PRKAB1: variants seen among roughly 807,000 people sequenced by gnomAD.
PRKAB1 encodes the protein protein kinase AMP-activated non-catalytic subunit beta 1, also known as 5'-AMP-activated protein kinase subunit beta-1.
In PRKAB1, 18 loss-of-function variants were observed where a neutral mutation model predicts 32.0. The observed-to-expected ratio is 0.56, with a 90% confidence interval of 0.39 to 0.83. The LOEUF is 0.83. PRKAB1 is among the 40% of genes least tolerant of loss of function. PRKAB1 has a pLI of 0.00. For synonymous variants in PRKAB1, 141 were observed against 141.4 expected, an observed-to-expected ratio of 1.00 and a Z score of 0.02; for missense variants, 263 against 352.6, an observed-to-expected ratio of 0.75 and a Z score of 2.03.
chr12:119,672,569 G>T, intron 2 of PRKAB1, 105 bp downstream of exon 2: 1 of 1,257,226 alleles, frequency 8.0e-7, no homozygotes, highest in South Asian at 1.8e-5. Context: ...TAAAATGGAT[G>T]CCTAGTGGAA....
chr12:119,676,143 G>A (rs1032835902), intron 4 of PRKAB1, among the ~76,000 whole-genome samples: 6 of 152,084 alleles, frequency 3.9e-5, no homozygotes, highest in African/African-American at 1.4e-4. Flanking sequence ...CCCATAACTT[G>A]GACTTAGCTA....
In PRKAB1 at chr12:119,674,274, A is replaced by G. The variant is rs979444859; in HGVS notation, c.418-66A>G. The G allele has an allele frequency of 2.2e-6, 3 of 1,336,630 alleles. No homozygotes were observed. The highest frequency in any genetic ancestry group is 2.9e-5 in the African/African-American group (2 of 68,868). 82.8% of individuals were successfully genotyped at this position (1,336,630 alleles called of 1,614,324 possible). ...TGAGGCCTTCCAGCCAGGAATTCCAAGTCCTCTGAAGAATAACTCCGCAGA... is the reference window on the plus strand; with the variant it reads ...TGAGGCCTTCCAGCCAGGAATTCCAGGTCCTCTGAAGAATAACTCCGCAGA... On this transcript the variant is annotated intron_variant, in intron 3 of 6. Coordinates refer to ENST00000229328, the MANE Select transcript of PRKAB1 (RefSeq NM_006253.5). The surrounding 1 kb of genome is among the most constrained non-coding windows in gnomAD (Gnocchi z 4.3).
At chr12:119,667,991 A>G (rs1202085867), upstream of PRKAB1, 3 of 482,940 alleles carry the variant, frequency 6.2e-6, no homozygotes, top group Non-Finnish European at 1.1e-5. Flanking sequence ...GCGGTTGGGA[A>G]AGTGTCGGTT....
In PRKAB1 at chr12:119,668,176, C is replaced by G. The variant is rs1291565411; in HGVS notation, c.-69C>G. 1 of 1,442,894 alleles carries G rather than the reference C, an allele frequency of 6.9e-7. No individual in the cohort carries two copies. Among genetic ancestry groups the G allele is most frequent in the South Asian group, 1.5e-5 (1 of 66,496 alleles). The allele number at this position is 1,442,894 out of a possible 1,614,324, so 89.4% of individuals were successfully genotyped here. ...CTTGGGACCCGCGGTTCCGGGAGTC[C>G]CTTGCTCAGGGTCCCTTTCCTGCAG... On this transcript the variant is annotated 5_prime_UTR_variant, in exon 1 of 7. Transcript: ENST00000229328.
At chr12:119,670,357 C>T (rs181377220) in intron 1 of PRKAB1, among the ~76,000 whole-genome samples, 17 of 152,278 alleles carry the variant, frequency 1.1e-4, no homozygotes, top group African/African-American at 4.1e-4. Context: ...TCATGTTGAG[C>T]GAGGTGATCA....
chr12:119,670,119 T>A (rs1183978787), intron 1 of PRKAB1, among the ~76,000 whole-genome samples: 1 of 152,222 alleles, frequency 6.6e-6, no homozygotes, highest in East Asian at 1.9e-4. Flanking sequence ...GTTAACCACC[T>A]TCATATGGTG....
At position 119,680,290 on chromosome 12, in the gene PRKAB1, A is replaced by G. The variant is rs1313399814; in HGVS notation, c.778A>G (p.Lys260Glu). 2.5e-6 allele frequency: 4 copies of G among 1,614,024 alleles called. No homozygotes were observed. Among genetic ancestry groups the G allele is most frequent in the South Asian group, 2.2e-5 (2 of 91,092 alleles). Reference sequence around the variant, plus strand: ...CAGCGCAACCCACCGGTACAAGAAGAAGTACGTCACCACCTTGTTATACAA... The same window carrying G: ...CAGCGCAACCCACCGGTACAAGAAGGAGTACGTCACCACCTTGTTATACAA... ...VLSATHRYKK[K>E]YVTTLLYKPI Residue 260 changes from lysine to glutamate, a missense_variant, in exon 7 of 7, where the codon AAG (lysine) becomes GAG (glutamate). Coordinates refer to ENST00000229328, the MANE Select transcript of PRKAB1 (RefSeq NM_006253.5).
chr12:119,674,489 A>C lies in PRKAB1; in HGVS notation c.532+35A>C. 6.7e-7 allele frequency: 1 copy of C among 1,485,114 alleles called. No homozygotes were observed. Among genetic ancestry groups the C allele is most frequent in the South Asian group, 1.1e-5 (1 of 87,798 alleles). The allele number at this position is 1,485,114 out of a possible 1,614,324, so 92.0% of individuals were successfully genotyped here. ...CAGTTATTTTATACCACATGCGTGCAGGTGGGGGCTGTACAGTCTAGACAT... is the reference window on the plus strand; with the variant it reads ...CAGTTATTTTATACCACATGCGTGCCGGTGGGGGCTGTACAGTCTAGACAT... On this transcript the variant is annotated intron_variant, in intron 4 of 6. Coordinates refer to ENST00000229328, the MANE Select transcript of PRKAB1 (RefSeq NM_006253.5). The surrounding 1 kb of genome is among the most constrained non-coding windows in gnomAD (Gnocchi z 4.3).
chr12:119,675,234 A>G (rs1171647963), intron 4 of PRKAB1, among the ~76,000 whole-genome samples: 1 of 152,208 alleles, frequency 6.6e-6, no homozygotes, highest in African/African-American at 2.4e-5. Flanking sequence ...GCCCTAAGAA[A>G]ACAGATTCCG....
Position 119,668,173 on chromosome 12 carries a change from G to C in PRKAB1, c.-72G>C, listed in dbSNP as rs1204182534. The C allele has an allele frequency of 7.1e-7, 1 of 1,418,370 alleles. No homozygotes were observed. Among genetic ancestry groups the C allele is most frequent in the Non-Finnish European group, 9.2e-7 (1 of 1,087,710 alleles). The allele number at this position is 1,418,370 out of a possible 1,614,324, so 87.9% of individuals were successfully genotyped here. A position where few individuals can be genotyped will look rare whatever the true frequency, so the allele number is the denominator to read the frequency against. On this transcript the variant is annotated 5_prime_UTR_variant, in exon 1 of 7. Transcript: ENST00000229328. The stretch of plus-strand genomic sequence containing the variant: ...CTCCTTGGGACCCGCGGTTCCGGGA[G>C]TCCCTTGCTCAGGGTCCCTTTCCTG...
In PRKAB1 at chr12:119,679,830, T is replaced by C. The variant is rs1413506018; in HGVS notation, c.667-103T>C. 10 of 1,286,182 alleles carry C rather than the reference T, an allele frequency of 7.8e-6. No individual in the cohort carries two copies. Among genetic ancestry groups the C allele is most frequent in the Non-Finnish European group, 1.0e-5 (9 of 884,788 alleles). 79.7% of individuals were successfully genotyped at this position (1,286,182 alleles called of 1,614,324 possible). On this transcript the variant is annotated intron_variant, in intron 5 of 6. Transcript: ENST00000229328. This position sits in a 1 kb window ranked among gnomAD's most constrained non-coding sequence, Gnocchi z 4.1. ...CCTGATTTGGGAAGAGAGGTCGGCC[T>C]GAGCGCTGCCTCCTGTCCTTTGATA...
chr12:119,672,494 G>A (rs1955395839), intron 2 of PRKAB1, 30 bp downstream of exon 2: 1 of 1,467,668 alleles, frequency 6.8e-7, no homozygotes, highest in African/African-American at 1.4e-5. Flanking sequence ...TCACATATTT[G>A]TCTTAACATA....
Position 119,679,844 on chromosome 12 carries a change from TG to T in PRKAB1, c.667-88del. On this transcript the variant is annotated intron_variant, in intron 5 of 6. Coordinates refer to ENST00000229328, the MANE Select transcript of PRKAB1 (RefSeq NM_006253.5). This position sits in a 1 kb window ranked among gnomAD's most constrained non-coding sequence, Gnocchi z 4.1. ...AGAGGTCGGCCTGAGCGCTGCCTCC[TG>T]TCCTTTGATATCTGGCACTGGGAAG... is the stretch of plus-strand genomic sequence containing the variant. The T allele has an allele frequency of 7.1e-7, 1 of 1,410,334 alleles. No individual in the cohort carries two copies. Among genetic ancestry groups the T allele is most frequent in the East Asian group, 2.3e-5 (1 of 43,762 alleles). The allele number at this position is 1,410,334 out of a possible 1,614,324, so 87.4% of individuals were successfully genotyped here.
Position 119,680,142 on chromosome 12 carries a change from G to T in PRKAB1, c.736-106G>T, listed in dbSNP as rs928879796. On this transcript the variant is annotated intron_variant, in intron 6 of 6. Transcript: ENST00000229328. ...CAGGCCATCAGGCTCAGGTTCTGAA[G>T]CTGGCCCGGGAATTTGTGGTTTTAT... 1.5e-5 allele frequency: 23 copies of T among 1,488,658 alleles called. No homozygotes were observed. In the African/African-American group the frequency reaches 3.0e-4, roughly 20 times the overall value. The allele number at this position is 1,488,658 out of a possible 1,614,324, so 92.2% of individuals were successfully genotyped here.
At chr12:119,669,426 C>T in intron 1 of PRKAB1, 1 of 150,758 alleles carries the variant, frequency 6.6e-6, no homozygotes, top group African/African-American at 2.4e-5. Context: ...CGCCACCACG[C>T]CCGGCTAATT....
intron 4 of PRKAB1, among the ~76,000 whole-genome samples, chr12:119,675,794 C>G (rs1955420070): frequency 6.6e-6 from 1 of 152,190 alleles, no homozygotes; most frequent in Non-Finnish European, 1.5e-5. Flanking sequence ...TGGGGCATAG[C>G]AGATTTTCCC....
Position 119,672,474 on chromosome 12 carries a change from TG to T in PRKAB1, c.323+14del. Reference sequence around the variant, plus strand: ...TTCCCCTCACCAGAAGGTAATTGCCTGGGGAGTGTTCACATATTTGTCTTAA... The same window carrying T: ...TTCCCCTCACCAGAAGGTAATTGCCTGGGAGTGTTCACATATTTGTCTTAA... On this transcript the variant is annotated intron_variant, in intron 2 of 6. Transcript: ENST00000229328. 2 of 1,557,490 alleles carry T rather than the reference TG, an allele frequency of 1.3e-6. No homozygotes were observed. Among genetic ancestry groups the T allele is most frequent in the South Asian group, 1.2e-5 (1 of 83,542 alleles).
Position 119,680,273 on chromosome 12 carries a change from C to T in PRKAB1, c.761C>T (p.Thr254Ile). ...IKDGVMVLSA[T>I]HRYKKKYVTT... ...GATGGAGTGATGGTGCTCAGCGCAA[C>T]CCACCGGTACAAGAAGAAGTACGTC... Residue 254 changes from threonine to isoleucine, a missense_variant, in exon 7 of 7, where the codon ACC becomes ATC. By Grantham distance (89) the Thr-to-Ile change is moderately conservative. Coordinates refer to ENST00000229328, the MANE Select transcript of PRKAB1 (RefSeq NM_006253.5). The T allele has an allele frequency of 6.2e-7, 1 of 1,614,082 alleles. No homozygotes were observed. Among genetic ancestry groups the T allele is most frequent in the Non-Finnish European group, 8.5e-7 (1 of 1,180,000 alleles).
Position 119,680,395 on chromosome 12 carries a change from A to G in PRKAB1, c.*70A>G. The G allele has an allele frequency of 7.0e-7, 1 of 1,420,688 alleles. No homozygotes were observed. The highest frequency in any genetic ancestry group is 9.9e-7 in the Non-Finnish European group (1 of 1,010,436). The allele number at this position is 1,420,688 out of a possible 1,614,324, so 88.0% of individuals were successfully genotyped here. A position where few individuals can be genotyped will look rare whatever the true frequency, so the allele number is the denominator to read the frequency against. On this transcript the variant is annotated 3_prime_UTR_variant, in exon 7 of 7. Coordinates refer to ENST00000229328, the MANE Select transcript of PRKAB1 (RefSeq NM_006253.5). ...GCTCCACACGTGCATGCTTTCCCCAAGAGGGAATGGACTGTACATTGCTCA... is the reference window on the plus strand; with the variant it reads ...GCTCCACACGTGCATGCTTTCCCCAGGAGGGAATGGACTGTACATTGCTCA...
Sources: allele counts gnomAD v4.1 joint callset (sites outside exome capture counted in the v4.1 genomes callset), GRCh38; gene constraint gnomAD v4.1.1; non-coding constraint Gnocchi (gnomAD v3.1); transcripts MANE v1.5; gene names NCBI Gene and HGNC (gene_info 2026-07-23, HGNC 2026-07-21).